The following ADGRV1 variants were observed in gnomAD, a reference collection of about 807,000 sequenced individuals.
ADGRV1 encodes adhesion G protein-coupled receptor V1, also known as G-protein coupled receptor 98.
In ADGRV1, 359 loss-of-function variants were observed where a neutral mutation model predicts 596.2. The ratio of observed to expected loss-of-function variants is 0.60; its 90% confidence interval spans 0.55 to 0.66. The LOEUF is 0.66. Among genes scored for constraint, ADGRV1 ranks in the 30% least tolerant of loss-of-function variants. The pLI is 0.00. For synonymous variants in ADGRV1, 2,681 were observed against 2,679.2 expected (o/e 1.00, Z -0.02); for missense variants, 7,274 against 7,575.6 (o/e 0.96, Z 1.48).
intron 87 of ADGRV1, among the ~76,000 whole-genome samples, chr5:91,127,845 A>C (rs1021638084): frequency 3.3e-5 from 5 of 152,210 alleles, no homozygotes; most frequent in Admixed American, 3.3e-4. Context: ...TAACCTAAAC[A>C]AGCTTGTTAA....
intron 83 of ADGRV1, among the ~76,000 whole-genome samples, chr5:90,877,967 C>A (rs1413101339): frequency 6.6e-6 from 1 of 152,072 alleles, no homozygotes; most frequent in Non-Finnish European, 1.5e-5. Flanking sequence ...TGATATTACC[C>A]TTTGTGAATT....
rs192754114 is a variant in ADGRV1 at position 91,082,171 on chromosome 5, C to T, written c.18310+9567C>T. Among the ~76,000 whole-genome samples, 69 of 152,334 alleles carry T rather than the reference C, an allele frequency of 4.5e-4. 1 individual carries two copies. The South Asian group carries it at 0.014, about 31-fold the overall frequency. ...TAATGTGGCTGGCATCTCTTATTGA[C>T]ATGTGCATATCACTGCCATGCCATA... On this transcript the variant is annotated intron_variant, in intron 86 of 89. Transcript: ENST00000405460.
At chr5:90,892,162 C>T (rs1770885702) in intron 83 of ADGRV1, among the ~76,000 whole-genome samples, 1 of 152,032 alleles carries the variant, frequency 6.6e-6, no homozygotes. Flanking sequence ...GCTCACCTCT[C>T]TCAATGTTGC....
intron 1 of ADGRV1, among the ~76,000 whole-genome samples, chr5:90,565,012 G>A (rs1427316372): frequency 6.6e-6 from 1 of 152,112 alleles, no homozygotes; most frequent in Non-Finnish European, 1.5e-5. Flanking sequence ...AGGTGGGCGG[G>A]TCACCTGAGG....
rs917335843 is a variant in ADGRV1 at position 90,823,504 on chromosome 5, C to T, written c.16276C>T (p.Leu5426=). 6.2e-7 allele frequency: 1 copy of T among 1,613,738 alleles called. No individual in the cohort carries two copies. The highest frequency in any genetic ancestry group is 1.3e-5 in the African/African-American group (1 of 74,906). ...CGTGCTCCAGAAGGATGGGGTAAAC[C>T]TGGTGGAGGAACTTCAGTCTGTGTC... ...VVVLQKDGVN[L]VEELQSVSGT... Residue 5426 remains leucine, a synonymous_variant, in exon 76 of 90, where the codon CTG becomes TTG. Transcript: ENST00000405460.
chr5:90,999,226 T>G (rs915345416), intron 85 of ADGRV1, among the ~76,000 whole-genome samples: 3 of 152,038 alleles, frequency 2.0e-5, no homozygotes, highest in Non-Finnish European at 4.4e-5. Context: ...TTAAGGAAAT[T>G]TACATCTTAA....
Position 90,629,497 on chromosome 5 carries a change from A to C in ADGRV1, c.1797A>C (p.Arg599Ser). ...KTQVTTKLPIRNDAFLQNGAH... is the reference protein window; with the variant it reads ...KTQVTTKLPISNDAFLQNGAH... Reference sequence around the variant, plus strand: ...AAGTCACTACAAAATTACCAATAAGAAATGATGCATTCCTTCAAAATGGAG... The same window carrying C: ...AAGTCACTACAAAATTACCAATAAGCAATGATGCATTCCTTCAAAATGGAG... Residue 599 changes from arginine to serine, a missense_variant, in exon 9 of 90, where the codon AGA becomes AGC. Arg to Ser is a moderately radical substitution (Grantham distance 110). This residue lies in a region of ADGRV1 where 1,715 missense variants were observed against 1,708.8 expected (regional missense o/e 1.00). Coordinates refer to ENST00000405460, the MANE Select transcript of ADGRV1 (RefSeq NM_032119.4). 1 of 1,613,168 alleles carries C rather than the reference A, an allele frequency of 6.2e-7. No individual in the cohort carries two copies. The highest frequency in any genetic ancestry group is 8.5e-7 in the Non-Finnish European group (1 of 1,179,574).
At chr5:90,673,436 C>T (rs1290808776) in intron 22 of ADGRV1, among the ~76,000 whole-genome samples, 3 of 152,154 alleles carry the variant, frequency 2.0e-5, no homozygotes, top group African/African-American at 7.2e-5. Flanking sequence ...CATGTATAGG[C>T]TACTGTCAGA....
chr5:91,035,863 A>ATATAT (rs1784851125), intron 85 of ADGRV1, among the ~76,000 whole-genome samples: 1 of 104,080 alleles, frequency 9.6e-6, no homozygotes, highest in African/African-American at 3.4e-5. Flanking sequence ...TATATATATT[A>ATATAT]TATATATATA....
At chr5:90,595,618 C>G (rs1387805057) in intron 1 of ADGRV1, among the ~76,000 whole-genome samples, 23 of 124,924 alleles carry the variant, frequency 1.8e-4, no homozygotes, top group Admixed American at 5.2e-4. Flanking sequence ...GGGGGCTGAC[C>G]CCCCCACCTC....
chr5:91,119,451 C>G (rs1325959158), intron 87 of ADGRV1, among the ~76,000 whole-genome samples: 2 of 152,196 alleles, frequency 1.3e-5, no homozygotes, highest in Admixed American at 1.3e-4. Context: ...AAAATCGTCC[C>G]TAATTGTCTT....
chr5:90,664,967 T>C (rs1020361775), intron 21 of ADGRV1, among the ~76,000 whole-genome samples: 14 of 152,040 alleles, frequency 9.2e-5, no homozygotes, highest in Non-Finnish European at 1.6e-4. Context: ...TGAAGCCCAC[T>C]TGATCATGGT....
At chr5:90,701,350 G>A (rs752408746) in intron 34 of ADGRV1, among the ~76,000 whole-genome samples, 9 of 151,960 alleles carry the variant, frequency 5.9e-5, no homozygotes, top group Non-Finnish European at 8.8e-5. Context: ...CTGGCAGAAG[G>A]TATCTTTCTG....
At chr5:90,996,884 G>T (rs1388544571) in intron 85 of ADGRV1, among the ~76,000 whole-genome samples, 1 of 152,158 alleles carries the variant, frequency 6.6e-6, no homozygotes, top group Non-Finnish European at 1.5e-5. Context: ...CTGCCCTGCT[G>T]GGTTTTGGAT....
chr5:91,052,644 G>A (rs1046079253), intron 85 of ADGRV1, among the ~76,000 whole-genome samples: 3 of 152,058 alleles, frequency 2.0e-5, no homozygotes, highest in African/African-American at 4.8e-5. Context: ...ACCTTGGTCA[G>A]GCTGGTCTCG....
intron 73 of ADGRV1, 123 bp downstream of exon 73, chr5:90,807,860 T>G: frequency 1.1e-6 from 1 of 881,554 alleles, no homozygotes; most frequent in East Asian, 2.6e-5. Flanking sequence ...AGTTTTAGTG[T>G]AGAGCATCAC....
Position 90,791,351 on chromosome 5 carries a change from G to A in ADGRV1, c.14517+5G>A. Reference sequence around the variant, plus strand: ...GTGGTGCCAATAAAGAATCAGGTTTGTGGCATTTCTTCAGTTTCCTGATCA... The same window carrying A: ...GTGGTGCCAATAAAGAATCAGGTTTATGGCATTTCTTCAGTTTCCTGATCA... On this transcript the variant is annotated splice_donor_5th_base_variant and intron_variant, in intron 70 of 89. Coordinates refer to ENST00000405460, the MANE Select transcript of ADGRV1 (RefSeq NM_032119.4). 1 of 1,536,886 alleles carries A rather than the reference G, an allele frequency of 6.5e-7. No homozygotes were observed. Among genetic ancestry groups the A allele is most frequent in the Non-Finnish European group, 8.8e-7 (1 of 1,137,272 alleles).
chr5:90,715,537 G>A lies in ADGRV1; in HGVS notation c.9185-930G>A, dbSNP rs181016035. ...TTAGAGTGGGTGAAAGGGAGGTGCT[G>A]ACAGTGTCTGCCACAGTTATACATT... On this transcript the variant is annotated intron_variant, in intron 42 of 89. Transcript: ENST00000405460. Among the ~76,000 whole-genome samples the A allele has an allele frequency of 1.7e-3, 263 of 152,286 alleles. 1 individual carries two copies. The highest frequency in any genetic ancestry group is 6.1e-3 in the African/African-American group (252 of 41,558).
At chr5:90,688,953 T>A (rs528118958) in intron 29 of ADGRV1, among the ~76,000 whole-genome samples, 3 of 152,164 alleles carry the variant, frequency 2.0e-5, no homozygotes, top group Non-Finnish European at 4.4e-5. Context: ...ATTTTATATA[T>A]AAGAAAATGA....
Sources: gnomAD v4.1 joint callset for allele counts (sites outside exome capture counted in the v4.1 genomes callset) on GRCh38, gnomAD v4.1.1 for gene constraint, gnomAD v4.1.1 regional missense constraint, MANE v1.5 for transcripts, NCBI Gene and HGNC (gene_info 2026-07-23, HGNC 2026-07-21) for gene names.